Variants in ARPP21 observed in about 807,000 individuals in gnomAD.
ARPP21 encodes the protein cAMP regulated phosphoprotein 21, also known as cAMP-regulated phosphoprotein 21.
Under a neutral mutation model 113.2 loss-of-function variants are expected in ARPP21, and 69 were observed. That is an observed-to-expected ratio of 0.61 (90% confidence interval 0.50 to 0.74). The LOEUF is 0.74. Ranked by LOEUF, ARPP21 falls within the 30% of genes least tolerant of loss-of-function variation. The pLI is 0.00. For missense variants in ARPP21, 1,070 were observed against 1,037.4 expected, an observed-to-expected ratio of 1.03 and a Z score of -0.43; for synonymous variants, 368 against 375.5, an observed-to-expected ratio of 0.98 and a Z score of 0.23.
At chr3:35,663,120 G>C (rs1233322335) in intron 1 of ARPP21, among the ~76,000 whole-genome samples, 1 of 151,948 alleles carries the variant, frequency 6.6e-6, no homozygotes, top group Non-Finnish European at 1.5e-5. Flanking sequence ...CATTTCTCAT[G>C]TACCCTATAA....
chr3:35,784,211 C>T (rs2096584111), intron 19 of ARPP21, among the ~76,000 whole-genome samples: 1 of 152,120 alleles, frequency 6.6e-6, no homozygotes, highest in Admixed American at 6.6e-5. Context: ...ATCAAAGCAA[C>T]AAAAATGTAC....
chr3:35,690,984 A>T lies in ARPP21; in HGVS notation c.665A>T (p.Asn222Ile). 6.2e-7 allele frequency: 1 copy of T among 1,610,478 alleles called. No homozygotes were observed. The highest frequency in any genetic ancestry group is 8.5e-7 in the Non-Finnish European group (1 of 1,177,738). The change falls in exon 9 of 21, where the codon AAC becomes ATC. Residue 222 changes from asparagine (N) to isoleucine (I), a missense_variant. Asn to Ile is a moderately radical substitution (Grantham distance 149). Transcript: ENST00000684406. ...VDQTGKSVII[N>I]KTSSTRIPEQ... The stretch of plus-strand genomic sequence containing the variant: ...CAAACAGGAAAATCTGTTATCATCA[A>T]CAAGACCAGCAGCACCAGAATGTAA...
At chr3:35,755,438 C>T (rs942405909) in intron 19 of ARPP21, among the ~76,000 whole-genome samples, 2 of 152,020 alleles carry the variant, frequency 1.3e-5, no homozygotes, top group African/African-American at 4.8e-5. Context: ...AAAATTTGCA[C>T]TTCAAACTCA....
chr3:35,683,147 TAAG>T (rs2079478935), intron 4 of ARPP21, among the ~76,000 whole-genome samples: 1 of 151,784 alleles, frequency 6.6e-6, no homozygotes, highest in Non-Finnish European at 1.5e-5. Context: ...TGTTCACACT[TAAG>T]AGATTTGACA....
intron 1 of ARPP21, among the ~76,000 whole-genome samples, chr3:35,648,630 C>A (rs1446405235): frequency 6.6e-6 from 1 of 152,170 alleles, no homozygotes; most frequent in African/African-American, 2.4e-5. Context: ...TGAGTCAGCA[C>A]TGTGCCTCTG....
chr3:35,689,394 T>C lies in ARPP21; in HGVS notation c.485+9T>C. Reference sequence around the variant, plus strand: ...TTAAAGAATAATTCCAGGTAAATTATTAAATGAGCCTCTTATTTTTAGAAG... The same window carrying C: ...TTAAAGAATAATTCCAGGTAAATTACTAAATGAGCCTCTTATTTTTAGAAG... On this transcript the variant is annotated intron_variant, in intron 7 of 20. Transcript: ENST00000684406. 7.7e-7 allele frequency: 1 copy of C among 1,296,884 alleles called. No homozygotes were observed. The highest frequency in any genetic ancestry group is 1.1e-6 in the Non-Finnish European group (1 of 892,374). 80.3% of individuals were successfully genotyped at this position (1,296,884 alleles called of 1,614,324 possible).
chr3:35,730,182 C>T lies in ARPP21; in HGVS notation c.1459+646C>T, dbSNP rs543016171. 2.0e-5 allele frequency among the ~76,000 whole-genome samples: 3 copies of T among 152,222 alleles called. No homozygotes were observed. In the South Asian group the frequency reaches 6.2e-4, roughly 32 times the overall value. On this transcript the variant is annotated intron_variant, in intron 15 of 20. Coordinates refer to ENST00000684406, the MANE Select transcript of ARPP21 (RefSeq NM_001385562.1). ...TACGGTTTCTTCTGTGATGAATGGC[C>T]ATTGGTTCTTTAATTTTGCATTTTT...
chr3:35,703,202 A>G (rs1038694298), intron 9 of ARPP21, among the ~76,000 whole-genome samples: 3 of 151,910 alleles, frequency 2.0e-5, no homozygotes, highest in Non-Finnish European at 4.4e-5. Flanking sequence ...TGTAAGGTAA[A>G]CTATTAAAAT....
At chr3:35,783,252 T>C (rs1195672980) in intron 19 of ARPP21, among the ~76,000 whole-genome samples, 1 of 152,148 alleles carries the variant, frequency 6.6e-6, no homozygotes, top group Non-Finnish European at 1.5e-5. Flanking sequence ...TCCTGATAAC[T>C]TCCAAATTTA....
chr3:35,655,745 C>T (rs980803547), intron 1 of ARPP21, among the ~76,000 whole-genome samples: 2 of 152,042 alleles, frequency 1.3e-5, no homozygotes, highest in African/African-American at 4.8e-5. Flanking sequence ...GGGGAAATCT[C>T]AGATGGTGGC....
At chr3:35,765,689 A>G (rs1163183263) in intron 19 of ARPP21, among the ~76,000 whole-genome samples, 1 of 152,170 alleles carries the variant, frequency 6.6e-6, no homozygotes, top group East Asian at 1.9e-4. Context: ...TGAGTTATAA[A>G]ATGAGAAAGA....
intron 1 of ARPP21, chr3:35,640,895 T>A (rs553357570): frequency 1.6e-4 from 25 of 152,226 alleles, no homozygotes; most frequent in Admixed American, 6.5e-5. Flanking sequence ...GTTGTAGATA[T>A]GGTGGTAGAA....
chr3:35,745,601 G>A lies in ARPP21; in HGVS notation c.2137+1636G>A, dbSNP rs1335438596. The stretch of plus-strand genomic sequence containing the variant: ...AAACCCATAAACTCTAGATCTATGT[G>A]AGGGGATGAGAAAGTTAGATGAATA... On this transcript the variant is annotated intron_variant, in intron 19 of 20. Coordinates refer to ENST00000684406, the MANE Select transcript of ARPP21 (RefSeq NM_001385562.1). Among the ~76,000 whole-genome samples the A allele has an allele frequency of 3.3e-5, 5 of 152,318 alleles. No individual in the cohort carries two copies. In the East Asian group the frequency reaches 9.7e-4, roughly 29 times the overall value.
chr3:35,789,649 G>T (rs1397793104), intron 19 of ARPP21, among the ~76,000 whole-genome samples: 1 of 152,150 alleles, frequency 6.6e-6, no homozygotes, highest in Non-Finnish European at 1.5e-5. Flanking sequence ...AAATCATTAG[G>T]CAGAGGAGGC....
chr3:35,659,732 G>A (rs951841552), intron 1 of ARPP21, among the ~76,000 whole-genome samples: 5 of 152,170 alleles, frequency 3.3e-5, no homozygotes, highest in Non-Finnish European at 7.4e-5. Flanking sequence ...TAATATACAA[G>A]TTTAAAGCAG....
At chr3:35,762,605 C>A (rs186396358) in intron 19 of ARPP21, among the ~76,000 whole-genome samples, 1 of 152,024 alleles carries the variant, frequency 6.6e-6, no homozygotes, top group Non-Finnish European at 1.5e-5. Flanking sequence ...CCATTTGATA[C>A]GAGTTGTGTC....
At chr3:35,686,594 C>G (rs1398358293) in intron 5 of ARPP21, among the ~76,000 whole-genome samples, 3 of 151,658 alleles carry the variant, frequency 2.0e-5, no homozygotes, top group South Asian at 4.2e-4. Flanking sequence ...TGAGAGGGTA[C>G]AAGCATCAAT....
At chr3:35,759,013 G>A (rs572264110) in intron 19 of ARPP21, among the ~76,000 whole-genome samples, 2 of 152,060 alleles carry the variant, frequency 1.3e-5, no homozygotes, top group East Asian at 3.9e-4. Context: ...TTTAAACTCT[G>A]GCAGGAGGCA....
chr3:35,662,059 T>G (rs758386546), intron 1 of ARPP21, among the ~76,000 whole-genome samples: 1 of 152,162 alleles, frequency 6.6e-6, no homozygotes, highest in Non-Finnish European at 1.5e-5. Flanking sequence ...TATGTAGCAT[T>G]ATAGTGGCCT....
Sources: allele counts gnomAD v4.1 joint callset (sites outside exome capture counted in the v4.1 genomes callset), GRCh38; gene constraint gnomAD v4.1.1; transcripts MANE v1.5; gene names NCBI Gene and HGNC (gene_info 2026-07-23, HGNC 2026-07-21).